GPC5: variants seen among roughly 807,000 people sequenced by gnomAD.
GPC5 encodes glypican-5.
A neutral mutation model predicts 53.9 loss-of-function variants in GPC5; 47 were observed. The observed-to-expected ratio is 0.87, with a 90% CI of 0.69 to 1.11. The LOEUF (loss-of-function observed/expected upper bound fraction) is 1.11, where lower values mean the gene tolerates loss of function less well. GPC5 is among the 50% of genes most tolerant of loss of function. The pLI is 0.00. For missense variants in GPC5, 748 were observed against 713.1 expected (o/e 1.05, Z -0.56); for synonymous variants, 286 against 263.3 (o/e 1.09, Z -0.84).
chr13:91,687,860 G>T (rs1251710599), intron 2 of GPC5, among the ~76,000 whole-genome samples: 1 of 152,014 alleles, frequency 6.6e-6, no homozygotes, highest in Non-Finnish European at 1.5e-5. Context: ...TATATAGCTT[G>T]GTTGAGAAGT....
chr13:91,837,654 T>C (rs1016341020), intron 5 of GPC5, among the ~76,000 whole-genome samples: 3 of 152,204 alleles, frequency 2.0e-5, no homozygotes, highest in African/African-American at 7.2e-5. Flanking sequence ...TCTGCTGTCA[T>C]TTAACTTTTC....
At chr13:92,074,955 A>AT (rs1311283925) in intron 6 of GPC5, among the ~76,000 whole-genome samples, 1 of 145,968 alleles carries the variant, frequency 6.9e-6, no homozygotes, top group Non-Finnish European at 1.5e-5. Context: ...TTTCCTGTTT[A>AT]TTTTTTATTT....
intron 5 of GPC5, among the ~76,000 whole-genome samples, chr13:91,830,938 A>C (rs1183413547): frequency 7.4e-6 from 1 of 135,216 alleles, no homozygotes; most frequent in African/African-American, 2.8e-5. Context: ...TATATTATAT[A>C]TCCTATTATA....
chr13:91,710,634 G>T (rs2036204371), intron 3 of GPC5, among the ~76,000 whole-genome samples: 1 of 152,036 alleles, frequency 6.6e-6, no homozygotes, highest in Non-Finnish European at 1.5e-5. Flanking sequence ...TCAGGCATTT[G>T]GGCTTCTCCA....
At chr13:92,623,368 A>T (rs1262959060) in intron 7 of GPC5, among the ~76,000 whole-genome samples, 1 of 152,234 alleles carries the variant, frequency 6.6e-6, no homozygotes, top group African/African-American at 2.4e-5. Context: ...ATAGTCAACT[A>T]GAGGTGAAGG....
intron 2 of GPC5, among the ~76,000 whole-genome samples, chr13:91,502,096 G>GA (rs1454440141): frequency 6.6e-6 from 1 of 152,014 alleles, no homozygotes; most frequent in East Asian, 1.9e-4. Context: ...GGGGTTGTTT[G>GA]TTTTTTTCTT....
intron 7 of GPC5, among the ~76,000 whole-genome samples, chr13:92,197,191 T>C (rs1206275863): frequency 6.6e-6 from 1 of 151,982 alleles, no homozygotes; most frequent in Non-Finnish European, 1.5e-5. Context: ...ATTTCCCTTC[T>C]CTGAGGTTCC....
chr13:91,705,858 T>A (rs1006533069), intron 3 of GPC5, among the ~76,000 whole-genome samples: 2 of 150,706 alleles, frequency 1.3e-5, no homozygotes, highest in Non-Finnish European at 2.9e-5. Flanking sequence ...TACATGTAAC[T>A]TTTTTCTTTT....
rs535433343 is a variant in GPC5 at position 92,015,511 on chromosome 13, G to T, written c.1401+107454G>T. Among the ~76,000 whole-genome samples, 9 of 151,926 alleles carry T rather than the reference G, an allele frequency of 5.9e-5. 1 individual carries two copies. The highest frequency in any genetic ancestry group is 2.2e-4 in the African/African-American group (9 of 41,414). On this transcript the variant is annotated intron_variant, in intron 6 of 7. Coordinates refer to ENST00000377067, the MANE Select transcript of GPC5 (RefSeq NM_004466.6). ...AGTAAGTAAATTGAAAAGCAAATGGGCATATTGTAGATACATTTTTATCTA... is the reference window on the plus strand; with the variant it reads ...AGTAAGTAAATTGAAAAGCAAATGGTCATATTGTAGATACATTTTTATCTA...
intron 2 of GPC5, among the ~76,000 whole-genome samples, chr13:91,491,542 A>G (rs927527330): frequency 6.6e-5 from 10 of 152,312 alleles, no homozygotes; most frequent in South Asian, 2.1e-4. Flanking sequence ...CCTTTCAATA[A>G]CAAATCATCA....
intron 2 of GPC5, among the ~76,000 whole-genome samples, chr13:91,491,449 C>T (rs1883938827): frequency 6.6e-6 from 1 of 152,178 alleles, no homozygotes; most frequent in Non-Finnish European, 1.5e-5. Flanking sequence ...TTCTTTATTC[C>T]TTACTTTGAA....
intron 7 of GPC5, among the ~76,000 whole-genome samples, chr13:92,176,032 T>C (rs140371139): frequency 1.8e-3 from 277 of 152,322 alleles, no homozygotes; most frequent in Middle Eastern, 0.017. Context: ...TCATGAAGTT[T>C]GCTCCTTACC....
chr13:92,277,861 A>G (rs1204650654), intron 7 of GPC5, among the ~76,000 whole-genome samples: 2 of 151,936 alleles, frequency 1.3e-5, no homozygotes, highest in East Asian at 3.8e-4. Flanking sequence ...GATGGGCAGT[A>G]AGGTCTAACT....
chr13:92,122,357 A>C (rs749648688), intron 6 of GPC5, among the ~76,000 whole-genome samples: 1 of 151,264 alleles, frequency 6.6e-6, no homozygotes, highest in Non-Finnish European at 1.5e-5. Flanking sequence ...AAAGGCTCAG[A>C]TGTCCGAAAC....
chr13:91,883,659 T>C (rs1237926914), intron 5 of GPC5, among the ~76,000 whole-genome samples: 3 of 152,170 alleles, frequency 2.0e-5, no homozygotes, highest in South Asian at 2.1e-4. Flanking sequence ...AGAGTATTAA[T>C]AGATGATGGC....
At chr13:91,588,054 A>G (rs2032663250) in intron 2 of GPC5, among the ~76,000 whole-genome samples, 2 of 152,100 alleles carry the variant, frequency 1.3e-5, no homozygotes, top group Non-Finnish European at 2.9e-5. Flanking sequence ...CATCTATGCT[A>G]CCTTATACAA....
At chr13:92,421,246 T>C (rs1876546088) in intron 7 of GPC5, among the ~76,000 whole-genome samples, 1 of 152,178 alleles carries the variant, frequency 6.6e-6, no homozygotes, top group Non-Finnish European at 1.5e-5. Context: ...ATTCAAAATG[T>C]ACCTCTTGCT....
intron 6 of GPC5, chr13:92,059,761 A>C (rs2041106781): frequency 6.6e-6 from 1 of 151,950 alleles, no homozygotes; most frequent in Admixed American, 6.6e-5. Flanking sequence ...CCAGATATAA[A>C]ATACGTTTTC....
chr13:92,692,968 G>A (rs1260869750), intron 7 of GPC5, among the ~76,000 whole-genome samples: 1 of 151,538 alleles, frequency 6.6e-6, no homozygotes, highest in Non-Finnish European at 1.5e-5. Flanking sequence ...TCATGGGGGT[G>A]GTTTCCCTCA....
Sources: allele counts gnomAD v4.1 joint callset (sites outside exome capture counted in the v4.1 genomes callset), GRCh38; gene constraint gnomAD v4.1.1; transcripts MANE v1.5; gene names NCBI Gene and HGNC (gene_info 2026-07-23, HGNC 2026-07-21).